The following AATK variants were observed in gnomAD, a reference collection of about 807,000 sequenced individuals.
The protein encoded by AATK is serine/threonine-protein kinase LMTK1.
A neutral mutation model predicts 114.3 loss-of-function variants in AATK; 91 were observed. That is an observed-to-expected ratio of 0.80 (90% CI 0.67 to 0.95). The LOEUF (loss-of-function observed/expected upper bound fraction) is 0.95. Ranked by LOEUF, AATK falls within the 40% of genes least tolerant of loss-of-function variation. AATK has a pLI of 0.00. For missense variants in AATK, 2,176 were observed against 1,965.2 expected (o/e 1.11, Z -2.03); for synonymous variants, 1,075 against 916.5 (o/e 1.17, Z -3.12).
intron 3 of AATK, chr17:81,128,860 A>C: frequency 8.4e-7 from 1 of 1,183,794 alleles, no homozygotes. Context: ...GACCCGTCAC[A>C]TGGGCTGCAC....
In AATK at chr17:81,117,874, C is replaced by CA. The variant is rs1266359744; in HGVS notation, c.*527dup. ...ATAAGGGCAGCGGAAACAGGACCGA[C>CA]ACGGGCGCCCAGGGCCACTCCTTGC... On this transcript the variant is annotated 3_prime_UTR_variant, in exon 14 of 14. Transcript: ENST00000326724. The CA allele has an allele frequency of 6.5e-6, 1 of 152,940 alleles. No individual in the cohort carries two copies. The highest frequency in any genetic ancestry group is 1.9e-4 in the East Asian group (1 of 5,210). The allele number at this position is 152,940 out of a possible 1,614,324, so 9.5% of individuals were successfully genotyped here.
chr17:81,152,106 C>G (rs896625957), intron 1 of AATK, among the ~76,000 whole-genome samples: 2 of 152,140 alleles, frequency 1.3e-5, no homozygotes, highest in Admixed American at 1.3e-4. Flanking sequence ...GAAACCCCAT[C>G]TCTACTAAAA....
At chr17:81,156,094 CAATG>C (rs202077362) in intron 1 of AATK, among the ~76,000 whole-genome samples, 22,864 of 150,280 alleles carry the variant, frequency 0.15, 2,723 homozygotes, top group African/African-American at 0.31. Flanking sequence ...ATGTATGTTA[CAATG>C]TATGTTACAA....
chr17:81,118,486 C>G, intron 13 of AATK, 44 bp from the exon 14 acceptor site: 4 of 1,590,470 alleles, frequency 2.5e-6, no homozygotes, highest in Non-Finnish European at 2.6e-6. Flanking sequence ...TCTGAGACAC[C>G]AGGGCTGCCT....
At chr17:81,164,499 C>T (rs768530177) in intron 1 of AATK, among the ~76,000 whole-genome samples, 2 of 152,204 alleles carry the variant, frequency 1.3e-5, no homozygotes, top group African/African-American at 2.4e-5. Context: ...AGTCATTAAA[C>T]GGACACATTA....
chr17:81,140,907 G>A (rs1045145234), intron 1 of AATK, among the ~76,000 whole-genome samples: 2,023 of 108,752 alleles, frequency 0.019, 31 homozygotes, highest in Non-Finnish European at 0.027. Context: ...TGAGCCGTGG[G>A]GCCGTGGGGC....
Position 81,120,079 on chromosome 17 carries a change from C to A in AATK, c.3740G>T (p.Ser1247Ile). The change falls in exon 12 of 14, where the codon AGC (serine) becomes ATC (isoleucine). Residue 1247 changes from serine (S) to isoleucine (I), a missense_variant. Physicochemically the swap from Ser to Ile is moderately radical, Grantham distance 142. Coordinates refer to ENST00000326724, the MANE Select transcript of AATK (RefSeq NM_001080395.3). ...GGGCTCCCCGAGCTCCCGGGTGGGG[C>A]TTTCCTGGAGGAATCAGAGAGCACC... ...DVTVYLFDQESPTRELGEPFP... is the reference protein window; with the variant it reads ...DVTVYLFDQEIPTRELGEPFP... 2.1e-6 allele frequency: 3 copies of A among 1,461,334 alleles called. No individual in the cohort carries two copies. The highest frequency in any genetic ancestry group is 2.7e-6 in the Non-Finnish European group (3 of 1,104,332). 90.5% of individuals were successfully genotyped at this position (1,461,334 alleles called of 1,614,324 possible).
chr17:81,154,696 C>T (rs1195204624), intron 1 of AATK, among the ~76,000 whole-genome samples: 8 of 140,222 alleles, frequency 5.7e-5, no homozygotes, highest in South Asian at 2.4e-4. Context: ...ATGGCACAAT[C>T]TCGGCTCACT....
rs375418343 is a variant in AATK, at chr17:81,132,640, G to A, written c.190-1435C>T. On this transcript the variant is annotated intron_variant, in intron 2 of 13. Coordinates refer to ENST00000326724, the MANE Select transcript of AATK (RefSeq NM_001080395.3). ...GCTGTCTCTCCCTGGGGTCGGGCCC[G>A]GGCTCCAGGCATTACCTGCTGCCCG... 26 of 288,760 alleles carry A rather than the reference G, an allele frequency of 9.0e-5. No individual in the cohort carries two copies. In the Middle Eastern group the frequency reaches 1.7e-3, roughly 19 times the overall value. 17.9% of individuals were successfully genotyped at this position (288,760 alleles called of 1,614,324 possible). A position where few individuals can be genotyped will look rare whatever the true frequency, so the allele number is the denominator to read the frequency against.
In AATK at chr17:81,122,307, G is replaced by A. The variant is rs1224282521; in HGVS notation, c.1629C>T (p.His543=). Residue 543 remains histidine (H), a synonymous_variant, in exon 11 of 14, where the codon CAC becomes CAT. Coordinates refer to ENST00000326724, the MANE Select transcript of AATK (RefSeq NM_001080395.3). ...GGGCGCAGCCGGCGCAGTCAGGGTC[G>A]TGGCCGGCGGCGGGTGCGGCCTCCT... is the stretch of plus-strand genomic sequence containing the variant. ...RLEEAAPAAG[H]DPDCAGCAPS... 4.6e-6 allele frequency: 7 copies of A among 1,510,128 alleles called. No individual in the cohort carries two copies. The highest frequency in any genetic ancestry group is 2.9e-5 in the African/African-American group (2 of 70,170). The allele number at this position is 1,510,128 out of a possible 1,614,324, so 93.5% of individuals were successfully genotyped here.
At chr17:81,156,332 GTTTTTA>G (rs1158035308) in intron 1 of AATK, among the ~76,000 whole-genome samples, 1 of 152,104 alleles carries the variant, frequency 6.6e-6, no homozygotes, top group Non-Finnish European at 1.5e-5. Context: ...GGCCTCTGAA[GTTTTTA>G]TTTTTATTGA....
chr17:81,154,954 G>A (rs2146401833), intron 1 of AATK, among the ~76,000 whole-genome samples: 1 of 152,302 alleles, frequency 6.6e-6, no homozygotes, highest in Admixed American at 6.5e-5. Context: ...TAAATGGTCA[G>A]CATTACTTCT....
At position 81,140,997 on chromosome 17, in the gene AATK, C is replaced by T. The variant is rs573604428; in HGVS notation, c.56-6496G>A. ...CCGTGGGGACTGTGAACTGTGGGGC[C>T]GTAAGCCGTGGGGCCCATGAGCCGT... is the stretch of plus-strand genomic sequence containing the variant. On this transcript the variant is annotated intron_variant, in intron 1 of 13. Coordinates refer to ENST00000326724, the MANE Select transcript of AATK (RefSeq NM_001080395.3). Among the ~76,000 whole-genome samples, 11 of 130,200 alleles carry T rather than the reference C, an allele frequency of 8.4e-5. 1 individual carries two copies. The highest frequency in any genetic ancestry group is 2.5e-4 in the South Asian group (1 of 3,944). The allele number at this position is 130,200 out of a possible 152,430, so 85.4% of individuals were successfully genotyped here.
chr17:81,164,611 C>T (rs546059412), intron 1 of AATK, among the ~76,000 whole-genome samples: 5 of 152,358 alleles, frequency 3.3e-5, no homozygotes, highest in South Asian at 2.1e-4. Context: ...GGCTGGGCCC[C>T]GAGGCAGGGT....
intron 1 of AATK, among the ~76,000 whole-genome samples, chr17:81,145,482 C>T (rs2061204010): frequency 6.6e-6 from 1 of 152,070 alleles, no homozygotes; most frequent in Non-Finnish European, 1.5e-5. Flanking sequence ...CCTGTAATCC[C>T]AGCACTTTGG....
chr17:81,118,603 C>G (rs368301607), intron 13 of AATK, among the ~76,000 whole-genome samples, 161 bp from the exon 14 acceptor site: 3 of 152,354 alleles, frequency 2.0e-5, no homozygotes, highest in South Asian at 2.1e-4. Flanking sequence ...CCATTTCCCC[C>G]ACTCCTGTCA....
At chr17:81,148,031 A>G (rs1287141102) in intron 1 of AATK, among the ~76,000 whole-genome samples, 1 of 149,154 alleles carries the variant, frequency 6.7e-6, no homozygotes, top group Non-Finnish European at 1.5e-5. Flanking sequence ...AGCAGGACAT[A>G]TAACTATTTA....
Position 81,119,920 on chromosome 17 carries a change from C to T in AATK, c.3883+16G>A. On this transcript the variant is annotated intron_variant, in intron 12 of 13. Coordinates refer to ENST00000326724, the MANE Select transcript of AATK (RefSeq NM_001080395.3). ...GCCTCCCGTGACGTCACGGGCCCAG[C>T]CCCGCCCCTGCTCACCCTCTTCCGC... 7 of 1,424,272 alleles carry T rather than the reference C, an allele frequency of 4.9e-6. No homozygotes were observed. Among genetic ancestry groups the T allele is most frequent in the Non-Finnish European group, 5.5e-6 (6 of 1,091,542 alleles). 88.2% of individuals were successfully genotyped at this position (1,424,272 alleles called of 1,614,324 possible).
At chr17:81,131,621 G>C (rs2060933347) in intron 2 of AATK, among the ~76,000 whole-genome samples, 1 of 152,168 alleles carries the variant, frequency 6.6e-6, no homozygotes, top group Non-Finnish European at 1.5e-5. Context: ...AGGGAACCAA[G>C]GGACAGAGGT....
Sources: allele counts gnomAD v4.1 joint callset (sites outside exome capture counted in the v4.1 genomes callset), GRCh38; gene constraint gnomAD v4.1.1; transcripts MANE v1.5; gene names NCBI Gene and HGNC (gene_info 2026-07-23, HGNC 2026-07-21).